Variants in FER observed in about 807,000 individuals in gnomAD.
The protein encoded by FER is tyrosine-protein kinase Fer.
In FER, 63 loss-of-function variants were observed where a neutral mutation model predicts 111.0. The ratio of observed to expected loss-of-function variants is 0.57; its 90% CI spans 0.46 to 0.70. The LOEUF is 0.70. FER is among the 30% of genes least tolerant of loss of function. The pLI is 0.00. For synonymous variants in FER, 327 were observed against 313.9 expected, an observed-to-expected ratio of 1.04 and a Z score of -0.44; for missense variants, 914 against 954.0, an observed-to-expected ratio of 0.96 and a Z score of 0.55.
At position 109,098,915 on chromosome 5, in the gene FER, A is replaced by G. The variant is rs1034910857; in HGVS notation, c.1925-1481A>G. 5.9e-5 allele frequency among the ~76,000 whole-genome samples: 9 copies of G among 151,850 alleles called. 1 individual carries two copies. The highest frequency in any genetic ancestry group is 2.2e-4 in the African/African-American group (9 of 41,532). ...AGAAAAGGTTAGAAAAGAAGAGGAT[A>G]TTTAAAGGAGAGTTAGGCAGATGTT... On this transcript the variant is annotated intron_variant, in intron 16 of 19. Transcript: ENST00000281092.
chr5:108,997,769 G>T (rs1242647329), intron 13 of FER, among the ~76,000 whole-genome samples: 1 of 152,090 alleles, frequency 6.6e-6, no homozygotes, highest in Non-Finnish European at 1.5e-5. Flanking sequence ...CATGAAGATG[G>T]GGGTTTTATC....
At chr5:108,953,036 A>G (rs1439998683) in intron 11 of FER, among the ~76,000 whole-genome samples, 1 of 152,096 alleles carries the variant, frequency 6.6e-6, no homozygotes, top group Non-Finnish European at 1.5e-5. Flanking sequence ...AAATATTTCT[A>G]TTATAGTAAA....
chr5:109,041,728 TAAAC>T (rs1291578731), intron 14 of FER, among the ~76,000 whole-genome samples: 1 of 152,110 alleles, frequency 6.6e-6, no homozygotes, highest in Non-Finnish European at 1.5e-5. Context: ...AAATTGCCAA[TAAAC>T]AAAATATTTT....
At chr5:109,058,247 T>A (rs1257384648) in intron 16 of FER, among the ~76,000 whole-genome samples, 1 of 152,158 alleles carries the variant, frequency 6.6e-6, no homozygotes, top group Non-Finnish European at 1.5e-5. Context: ...GCTAACATTA[T>A]ATTTAATGAA....
chr5:108,800,113 G>A (rs1756473866), intron 3 of FER, among the ~76,000 whole-genome samples: 2 of 152,130 alleles, frequency 1.3e-5, no homozygotes, highest in South Asian at 4.2e-4. Context: ...GAGCTTTAAC[G>A]GAGTCATCTG....
At chr5:108,992,589 C>T (rs539149763) in intron 13 of FER, among the ~76,000 whole-genome samples, 3 of 149,522 alleles carry the variant, frequency 2.0e-5, no homozygotes, top group South Asian at 2.1e-4. Context: ...TGGGCAGAGG[C>T]GCCCCTTACC....
intron 9 of FER, chr5:108,894,579 TC>T: frequency 9.8e-6 from 4 of 406,276 alleles, no homozygotes; most frequent in South Asian, 6.8e-5. Flanking sequence ...ATTCTTGAGT[TC>T]CACGACCACA....
intron 5 of FER, among the ~76,000 whole-genome samples, chr5:108,850,150 G>A (rs1232161766): frequency 2.6e-5 from 4 of 151,162 alleles, no homozygotes; most frequent in Non-Finnish European, 4.4e-5. Flanking sequence ...AGCCTAGATC[G>A]TGCCACTGTA....
At chr5:108,863,761 A>G (rs1356119438) in intron 5 of FER, among the ~76,000 whole-genome samples, 1 of 152,232 alleles carries the variant, frequency 6.6e-6, no homozygotes, top group African/African-American at 2.4e-5. Flanking sequence ...ATCACTGGGC[A>G]TACCTCATAG....
At position 109,186,231 on chromosome 5, in the gene FER, C is replaced by T. The variant is rs55876507; in HGVS notation, c.2235C>T (p.Ser745=). 4.3e-3 allele frequency: 6,917 copies of T among 1,614,098 alleles called. 261 individuals are homozygous for T. In the African/African-American group the frequency reaches 0.079, roughly 18 times the overall value. Residue 745 remains serine (S), a synonymous_variant, in exon 19 of 20, where the codon AGC becomes AGT. Coordinates refer to ENST00000281092, the MANE Select transcript of FER (RefSeq NM_005246.4). ...ACAGTTCAGAGAGTGACGTGTGGAG[C>T]TTTGGCATCCTTCTCTGGGAGACCT... ...GRYSSESDVW[S]FGILLWETFS...
At chr5:108,789,228 T>C (rs578176369) in intron 2 of FER, among the ~76,000 whole-genome samples, 1 of 152,344 alleles carries the variant, frequency 6.6e-6, no homozygotes, top group African/African-American at 2.4e-5. Context: ...TGTAACCTTG[T>C]GTTAACAAAA....
chr5:108,982,638 G>A lies in FER; in HGVS notation c.1656+23291G>A, dbSNP rs151196098. 5.5e-3 allele frequency among the ~76,000 whole-genome samples: 840 copies of A among 152,052 alleles called. 9 individuals carry two copies. Among genetic ancestry groups the A allele is most frequent in the African/African-American group, 0.019 (773 of 41,476 alleles). ...ATGAACTATTCACTGCAATCATTCTGAAGTGATTTGAAACAGTAAATAGTA... is the reference window on the plus strand; with the variant it reads ...ATGAACTATTCACTGCAATCATTCTAAAGTGATTTGAAACAGTAAATAGTA... On this transcript the variant is annotated intron_variant, in intron 13 of 19. Coordinates refer to ENST00000281092, the MANE Select transcript of FER (RefSeq NM_005246.4).
At chr5:109,165,244 A>T (rs1216214316) in intron 17 of FER, among the ~76,000 whole-genome samples, 1 of 152,198 alleles carries the variant, frequency 6.6e-6, no homozygotes, top group Non-Finnish European at 1.5e-5. Context: ...GACACCAGGT[A>T]TACCCCTACA....
intron 13 of FER, among the ~76,000 whole-genome samples, chr5:109,011,175 C>T: frequency 6.6e-6 from 1 of 152,032 alleles, no homozygotes; most frequent in East Asian, 1.9e-4. Context: ...ATATAATCAG[C>T]TTCTTTTGAT....
At chr5:109,008,930 G>A (rs182318062) in intron 13 of FER, among the ~76,000 whole-genome samples, 1,804 of 151,964 alleles carry the variant, frequency 0.012, 17 homozygotes, top group Non-Finnish European at 0.02. Flanking sequence ...AGATCGTGCC[G>A]TTGCACTCTA....
At chr5:109,019,850 AT>A (rs1767698465) in intron 13 of FER, among the ~76,000 whole-genome samples, 1 of 151,896 alleles carries the variant, frequency 6.6e-6, no homozygotes, top group Non-Finnish European at 1.5e-5. Context: ...TATATAAAAA[AT>A]GTTTTACGAC....
intron 10 of FER, among the ~76,000 whole-genome samples, chr5:108,941,241 T>G (rs891166536): frequency 3.9e-5 from 6 of 152,204 alleles, no homozygotes; most frequent in Non-Finnish European, 5.9e-5. Context: ...TAGCAAAGGC[T>G]AGAACCAACT....
At chr5:108,871,247 C>A (rs997301096) in intron 6 of FER, 118 bp from the exon 7 acceptor site, 95 of 743,364 alleles carry the variant, frequency 1.3e-4, no homozygotes, top group Non-Finnish European at 1.8e-4. Context: ...GTACAGGAAA[C>A]AACCATCTGT....
chr5:109,187,378 C>T, intron 19 of FER, 55 bp from the exon 20 acceptor site: 21 of 1,578,064 alleles, frequency 1.3e-5, no homozygotes, highest in Non-Finnish European at 1.8e-5. Context: ...CCTGTGTGAA[C>T]ATTTTGTGTC....
Sources: allele counts gnomAD v4.1 joint callset (sites outside exome capture counted in the v4.1 genomes callset), GRCh38; gene constraint gnomAD v4.1.1; transcripts MANE v1.5; gene names NCBI Gene and HGNC (gene_info 2026-07-23, HGNC 2026-07-21).